Variants in STMP1 observed in about 807,000 individuals in gnomAD.
STMP1 encodes mitolamban.
STMP1 carries 7 observed loss-of-function variants against 7.0 expected under a neutral mutation model. That is an observed-to-expected ratio of 1.01 (90% CI 0.57 to 1.89). STMP1 has a LOEUF of 1.89. STMP1 is among the 40% of genes most tolerant of loss of function. The pLI, the probability that STMP1 is intolerant of heterozygous loss-of-function variation, is 0.00. For missense variants in STMP1, 45 were observed against 53.0 expected, an observed-to-expected ratio of 0.85 and a Z score of 0.47; for synonymous variants, 19 against 18.4, an observed-to-expected ratio of 1.03 and a Z score of -0.08.
At chr7:135,662,809 T>C (rs938775184) in intron 1 of STMP1, among the ~76,000 whole-genome samples, 5 of 152,208 alleles carry the variant, frequency 3.3e-5, no homozygotes, top group African/African-American at 1.2e-4. Context: ...GCCATCCAAG[T>C]CCCTAAAACT....
At chr7:135,668,217 A>G (rs1199096393) in intron 1 of STMP1, among the ~76,000 whole-genome samples, 3 of 152,128 alleles carry the variant, frequency 2.0e-5, no homozygotes, top group Non-Finnish European at 4.4e-5. Flanking sequence ...CACCACAGTA[A>G]TCGGCTTTTC....
chr7:135,672,298 C>T (rs1011349594), intron 1 of STMP1, among the ~76,000 whole-genome samples: 1 of 152,160 alleles, frequency 6.6e-6, no homozygotes, highest in Non-Finnish European at 1.5e-5. Context: ...ACTTTAAAAA[C>T]TGAATAATTT....
rs1795383095 is a variant in STMP1, at chr7:135,673,960, A to G, written c.70-131A>G. On this transcript the variant is annotated intron_variant, in intron 2 of 2. Transcript: ENST00000507606. ...CTTAAAAAAGAAAGCAAAAAGAAAT[A>G]ACCACTATTTAGCAGATCTCTTTTG... 6.1e-6 allele frequency: 4 copies of G among 652,932 alleles called. No individual in the cohort carries two copies. In the South Asian group the frequency reaches 8.2e-5, roughly 13 times the overall value. 40.4% of individuals were successfully genotyped at this position (652,932 alleles called of 1,614,324 possible).
intron 1 of STMP1, among the ~76,000 whole-genome samples, chr7:135,672,104 C>T (rs1196230734): frequency 1.3e-5 from 2 of 152,126 alleles, no homozygotes; most frequent in African/African-American, 2.4e-5. Context: ...CTCAGCCTCC[C>T]GAATAGCTGG....
At chr7:135,667,803 AT>A (rs919490427) in intron 1 of STMP1, among the ~76,000 whole-genome samples, 43 of 144,320 alleles carry the variant, frequency 3.0e-4, no homozygotes, top group Admixed American at 4.2e-4. Flanking sequence ...ATGAAGTCCA[AT>A]TTTTTTTTTT....
In STMP1 at chr7:135,675,135, A is replaced by G. The variant is rs1381927718; in HGVS notation, c.*970A>G. ...TTTGTCAAATGTATAATCAGCTTGT[A>G]TTGTTTTTAAATTAAAAAAAAATTT... On this transcript the variant is annotated 3_prime_UTR_variant, in exon 3 of 3. Coordinates refer to ENST00000507606, the MANE Select transcript of STMP1 (RefSeq NM_001130929.2). 1.5e-5 allele frequency: 2 copies of G among 133,780 alleles called. No homozygotes were observed. The highest frequency in any genetic ancestry group is 3.1e-5 in the Non-Finnish European group (2 of 64,060). The allele number at this position is 133,780 out of a possible 1,614,324, so 8.3% of individuals were successfully genotyped here. A position where few individuals can be genotyped will look rare whatever the true frequency, so the allele number is the denominator to read the frequency against.
At position 135,662,517 on chromosome 7, in the gene STMP1, C is replaced by G; in HGVS notation, c.-63C>G. 1.3e-6 allele frequency: 2 copies of G among 1,520,044 alleles called. No homozygotes were observed. Among genetic ancestry groups the G allele is most frequent in the South Asian group, 1.2e-5 (1 of 82,408 alleles). 94.2% of individuals were successfully genotyped at this position (1,520,044 alleles called of 1,614,324 possible). The stretch of plus-strand genomic sequence containing the variant: ...CCCCCCCCGCGCATGGGGAGGTAGG[C>G]TCGGACCGGCCCGCGGAGCTGCTGC... On this transcript the variant is annotated 5_prime_UTR_variant, in exon 1 of 3. Coordinates refer to ENST00000507606, the MANE Select transcript of STMP1 (RefSeq NM_001130929.2).
At chr7:135,670,694 G>A (rs1795348136) in intron 1 of STMP1, among the ~76,000 whole-genome samples, 1 of 149,284 alleles carries the variant, frequency 6.7e-6, no homozygotes, top group South Asian at 2.1e-4. Context: ...TTTGTTTTGT[G>A]TTGTGTTTTA....
intron 2 of STMP1, 174 bp downstream of exon 2, chr7:135,672,980 A>G: frequency 1.6e-6 from 1 of 618,776 alleles, no homozygotes; most frequent in Non-Finnish European, 2.9e-6. Flanking sequence ...CCAACTCATG[A>G]AACAGCTGTC....
intron 1 of STMP1, among the ~76,000 whole-genome samples, chr7:135,664,303 TGA>T (rs1405236468): frequency 6.6e-6 from 1 of 152,022 alleles, no homozygotes; most frequent in Non-Finnish European, 1.5e-5. Flanking sequence ...TTTTGCAGAA[TGA>T]GTCTATTTGG....
At chr7:135,668,177 A>C (rs138415187) in intron 1 of STMP1, among the ~76,000 whole-genome samples, 1 of 152,204 alleles carries the variant, frequency 6.6e-6, no homozygotes, top group Non-Finnish European at 1.5e-5. Context: ...TTTATTGATC[A>C]ATAGAAACAA....
intron 1 of STMP1, among the ~76,000 whole-genome samples, chr7:135,670,384 G>A (rs1795345344): frequency 6.6e-6 from 1 of 152,100 alleles, no homozygotes; most frequent in Non-Finnish European, 1.5e-5. Flanking sequence ...AAGAAGTTAG[G>A]CATTCTTGGC....
intron 1 of STMP1, among the ~76,000 whole-genome samples, chr7:135,664,344 AT>A (rs767469164): frequency 0.11 from 13,088 of 115,038 alleles, 435 homozygotes; most frequent in East Asian, 0.19. Context: ...CTGTGTGTTA[AT>A]TTTTTTTTTT....
intron 1 of STMP1, among the ~76,000 whole-genome samples, chr7:135,669,244 A>T (rs1795333496): frequency 1.3e-5 from 2 of 152,258 alleles, no homozygotes; most frequent in Admixed American, 6.5e-5. Flanking sequence ...CCGTATCACC[A>T]GTTTAAATGT....
chr7:135,666,347 C>CTTTGT (rs1795291662), intron 1 of STMP1, among the ~76,000 whole-genome samples: 1 of 151,762 alleles, frequency 6.6e-6, no homozygotes, highest in African/African-American at 2.4e-5. Flanking sequence ...ACTATTATGT[C>CTTTGT]TTTGTTTTGT....
chr7:135,663,033 C>G (rs1012264667), intron 1 of STMP1, among the ~76,000 whole-genome samples: 1 of 152,154 alleles, frequency 6.6e-6, no homozygotes, highest in Non-Finnish European at 1.5e-5. Context: ...GGTAGGAAGG[C>G]CAGGAATAAA....
At chr7:135,664,042 A>G (rs915260537) in intron 1 of STMP1, among the ~76,000 whole-genome samples, 2 of 152,240 alleles carry the variant, frequency 1.3e-5, no homozygotes. Context: ...ATTAGTCAAA[A>G]GAGTGTCCTT....
chr7:135,670,479 T>G lies in STMP1; in HGVS notation c.16-2274T>G, dbSNP rs577136888. 3.3e-5 allele frequency among the ~76,000 whole-genome samples: 5 copies of G among 152,310 alleles called. No homozygotes were observed. The South Asian group carries it at 6.2e-4, about 19-fold the overall frequency. ...TCAGACTGAGTCACTGTTCCTCAGA[T>G]TTAGGTTTTACTTTTTTGTCTAAAC... is the stretch of plus-strand genomic sequence containing the variant. On this transcript the variant is annotated intron_variant, in intron 1 of 2. Transcript: ENST00000507606.
At position 135,674,088 on chromosome 7, in the gene STMP1, A is replaced by G. The variant is rs1388057304; in HGVS notation, c.70-3A>G. 3 of 1,544,052 alleles carry G rather than the reference A, an allele frequency of 1.9e-6. No homozygotes were observed. The highest frequency in any genetic ancestry group is 1.4e-5 in the African/African-American group (1 of 72,508). On this transcript the variant is annotated splice_region_variant and splice_polypyrimidine_tract_variant and intron_variant, in intron 2 of 2. Transcript: ENST00000507606. Reference sequence around the variant, plus strand: ...ATTATAATAACCTTTTTTCTCTTCAAAGATACCAAACCTGGCTAAAAAACT... The same window carrying G: ...ATTATAATAACCTTTTTTCTCTTCAGAGATACCAAACCTGGCTAAAAAACT...
Sources: gnomAD v4.1 joint callset for allele counts (sites outside exome capture counted in the v4.1 genomes callset) on GRCh38, gnomAD v4.1.1 for gene constraint, MANE v1.5 for transcripts, NCBI Gene and HGNC (gene_info 2026-07-23, HGNC 2026-07-21) for gene names.